Variants in MARK3 observed in about 807,000 individuals in gnomAD.
MARK3 encodes the protein MAP/microtubule affinity-regulating kinase 3.
In MARK3, 46 loss-of-function variants were observed where a neutral mutation model predicts 90.1. The observed-to-expected ratio is 0.51, with a 90% CI of 0.40 to 0.65. MARK3 has a LOEUF of 0.65. Ranked by LOEUF, MARK3 falls within the 30% of genes least tolerant of loss-of-function variation. MARK3 has a pLI of 0.00. For synonymous variants in MARK3, 321 were observed against 332.6 expected, an observed-to-expected ratio of 0.97 and a Z score of 0.38; for missense variants, 818 against 947.2, an observed-to-expected ratio of 0.86 and a Z score of 1.79.
intron 1 of MARK3, among the ~76,000 whole-genome samples, chr14:103,397,278 T>C: frequency 6.6e-6 from 1 of 152,016 alleles, no homozygotes; most frequent in African/African-American, 2.4e-5. Context: ...TTTTATTCCC[T>C]GCTAATGCCT....
intron 3 of MARK3, among the ~76,000 whole-genome samples, chr14:103,435,557 C>A (rs531288271): frequency 6.6e-6 from 1 of 152,002 alleles, no homozygotes; most frequent in African/African-American, 2.4e-5. Flanking sequence ...TACAAGCACC[C>A]GCCACCACGC....
At chr14:103,421,953 T>TA (rs951282913) in intron 2 of MARK3, among the ~76,000 whole-genome samples, 9 of 152,324 alleles carry the variant, frequency 5.9e-5, no homozygotes, top group African/African-American at 2.2e-4. Flanking sequence ...CAAGACTTGT[T>TA]AAAAAAGAGT....
chr14:103,424,176 C>T (rs1382839238), intron 2 of MARK3, among the ~76,000 whole-genome samples: 1 of 151,958 alleles, frequency 6.6e-6, no homozygotes, highest in East Asian at 1.9e-4. Context: ...CGCCACTGCA[C>T]TCCAGCCTGG....
chr14:103,477,738 C>A (rs903908663), intron 13 of MARK3, among the ~76,000 whole-genome samples: 4 of 152,072 alleles, frequency 2.6e-5, no homozygotes, highest in Admixed American at 2.6e-4. Flanking sequence ...ATAATCTCAG[C>A]GCTTTGGGAG....
chr14:103,501,848 C>T (rs1394178875), intron 17 of MARK3, among the ~76,000 whole-genome samples: 1 of 152,192 alleles, frequency 6.6e-6, no homozygotes, highest in Non-Finnish European at 1.5e-5. Flanking sequence ...AAGCTTCTCT[C>T]ATCAGTATTG....
intron 5 of MARK3, among the ~76,000 whole-genome samples, chr14:103,453,677 A>G (rs574752192): frequency 5.0e-4 from 76 of 152,320 alleles, no homozygotes; most frequent in African/African-American, 1.7e-3. Flanking sequence ...TTCAGGACCA[A>G]AAAGCTTTAT....
chr14:103,436,902 C>T (rs941079136), intron 3 of MARK3, among the ~76,000 whole-genome samples: 1 of 152,160 alleles, frequency 6.6e-6, no homozygotes, highest in African/African-American at 2.4e-5. Flanking sequence ...ACTAGCCTGA[C>T]GAACATGGTG....
intron 4 of MARK3, among the ~76,000 whole-genome samples, chr14:103,450,702 G>C (rs1389382029): frequency 6.6e-6 from 1 of 151,968 alleles, no homozygotes; most frequent in East Asian, 1.9e-4. Context: ...TGCTATGTTA[G>C]GCATTTTGTT....
chr14:103,465,943 C>T (rs2093494008), intron 8 of MARK3, 29 bp from the exon 9 acceptor site: 8 of 1,600,826 alleles, frequency 5.0e-6, no homozygotes, highest in African/African-American at 4.0e-5. Context: ...TTGACTTACT[C>T]GTTTTCTTTC....
intron 2 of MARK3, among the ~76,000 whole-genome samples, chr14:103,406,246 C>T (rs1015299516): frequency 2.0e-5 from 3 of 151,416 alleles, no homozygotes; most frequent in East Asian, 3.9e-4. Flanking sequence ...GGGGTTGGGA[C>T]GGAGTCTTGC....
At chr14:103,461,271 C>A (rs1242169400) in intron 6 of MARK3, among the ~76,000 whole-genome samples, 2 of 152,166 alleles carry the variant, frequency 1.3e-5, no homozygotes. Context: ...AGACATGTTA[C>A]CTCTGCTTAG....
intron 6 of MARK3, among the ~76,000 whole-genome samples, chr14:103,458,341 C>T (rs1025198908): frequency 1.3e-5 from 2 of 151,624 alleles, no homozygotes; most frequent in African/African-American, 2.4e-5. Context: ...TGCCTGTAAT[C>T]CCAGCTACTG....
chr14:103,435,053 C>T (rs2092681551), intron 3 of MARK3, among the ~76,000 whole-genome samples: 1 of 152,120 alleles, frequency 6.6e-6, no homozygotes, highest in South Asian at 2.1e-4. Flanking sequence ...GAATCTTGGT[C>T]ATGGGATGTA....
At chr14:103,396,973 T>C (rs1430803872) in intron 1 of MARK3, among the ~76,000 whole-genome samples, 2 of 152,200 alleles carry the variant, frequency 1.3e-5, no homozygotes, top group Non-Finnish European at 2.9e-5. Flanking sequence ...AAAAATAGGA[T>C]ATAAAGCCTT....
At chr14:103,447,907 G>A (rs2093035341) in intron 3 of MARK3, among the ~76,000 whole-genome samples, 1 of 151,960 alleles carries the variant, frequency 6.6e-6, no homozygotes, top group Non-Finnish European at 1.5e-5. Context: ...CGAGTAGCTG[G>A]GACTACAGAC....
At chr14:103,424,590 A>C (rs1230125996) in intron 2 of MARK3, among the ~76,000 whole-genome samples, 2 of 152,084 alleles carry the variant, frequency 1.3e-5, no homozygotes, top group African/African-American at 2.4e-5. Context: ...AACCATAAGA[A>C]ACTAGTGATT....
intron 2 of MARK3, among the ~76,000 whole-genome samples, chr14:103,413,784 T>C (rs763483436): frequency 6.6e-6 from 1 of 152,094 alleles, no homozygotes; most frequent in Non-Finnish European, 1.5e-5. Flanking sequence ...GAATGTCAAA[T>C]AAAATGGGAT....
chr14:103,431,215 C>T (rs980665739), intron 3 of MARK3, among the ~76,000 whole-genome samples: 9 of 152,158 alleles, frequency 5.9e-5, no homozygotes, highest in Non-Finnish European at 1.2e-4. Context: ...CCTCAGCCTC[C>T]CAAGTGGCTA....
chr14:103,386,403 A>G (rs1250090377), intron 1 of MARK3: 1 of 638,574 alleles, frequency 1.6e-6, no homozygotes, highest in East Asian at 3.2e-5. Context: ...GTGTCAGATC[A>G]CTGCAGTGGT....
Sources: gnomAD v4.1 joint callset for allele counts (sites outside exome capture counted in the v4.1 genomes callset) on GRCh38, gnomAD v4.1.1 for gene constraint, MANE v1.5 for transcripts, NCBI Gene and HGNC (gene_info 2026-07-23, HGNC 2026-07-21) for gene names.